The following LRRC17 variants were observed in gnomAD, a reference collection of about 807,000 sequenced individuals.
The protein encoded by LRRC17 is leucine-rich repeat-containing protein 17.
Under a neutral mutation model 41.5 loss-of-function variants are expected in LRRC17, and 33 were observed. The ratio of observed to expected loss-of-function variants is 0.80; its 90% CI spans 0.60 to 1.06. The LOEUF is 1.06. Ranked by LOEUF, LRRC17 falls within the 50% of genes least tolerant of loss-of-function variation. The pLI, the probability that LRRC17 is intolerant of heterozygous loss-of-function variation, is 0.00. For missense variants in LRRC17, 491 were observed against 519.3 expected, an observed-to-expected ratio of 0.95 and a Z score of 0.53; for synonymous variants, 192 against 197.0, an observed-to-expected ratio of 0.97 and a Z score of 0.21.
Position 102,925,387 on chromosome 7 carries a change from C to A in LRRC17, c.-140-8387C>A, listed in dbSNP as rs182908518. ...TGCAGCCTGGGTGACAGAGTAAGACCCTGTTTGAAAACAAACTAAAAAGAA... is the reference window on the plus strand; with the variant it reads ...TGCAGCCTGGGTGACAGAGTAAGACACTGTTTGAAAACAAACTAAAAAGAA... On this transcript the variant is annotated intron_variant, in intron 1 of 3. Transcript: ENST00000339431. Among the ~76,000 whole-genome samples the A allele has an allele frequency of 3.9e-5, 6 of 152,056 alleles. No individual in the cohort carries two copies. In the East Asian group the frequency reaches 1.2e-3, roughly 30 times the overall value.
Position 102,944,390 on chromosome 7 carries a change from A to G in LRRC17, c.1109A>G (p.Asn370Ser). The G allele has an allele frequency of 1.2e-6, 2 of 1,614,100 alleles. No homozygotes were observed. Among genetic ancestry groups the G allele is most frequent in the African/African-American group, 1.3e-5 (1 of 75,058 alleles). Residue 370 changes from asparagine to serine, a missense_variant, in exon 4 of 4, where the codon AAT becomes AGT. Transcript: ENST00000339431. ...TACTACTGGTTAAAGCACCACTACA[A>G]TGTCCATTTTAATGGCCTGGAATGC... ...YLYYWLKHHY[N>S]VHFNGLECKT...
intron 1 of LRRC17, among the ~76,000 whole-genome samples, chr7:102,928,089 T>C (rs2129472362): frequency 6.6e-6 from 1 of 152,332 alleles, no homozygotes; most frequent in South Asian, 2.1e-4. Flanking sequence ...ACTTTCTGTT[T>C]GAGATGAGGA....
chr7:102,934,806 T>C, intron 2 of LRRC17, 121 bp downstream of exon 2: 1 of 920,232 alleles, frequency 1.1e-6, no homozygotes, highest in Non-Finnish European at 1.6e-6. Context: ...CCAGAAATCC[T>C]TCCCTATTGA....
chr7:102,938,110 A>G (rs1011470564), intron 2 of LRRC17, among the ~76,000 whole-genome samples: 2 of 152,250 alleles, frequency 1.3e-5, no homozygotes, highest in Non-Finnish European at 2.9e-5. Context: ...AAGGGAATAA[A>G]TGTGAGACTA....
In LRRC17 at chr7:102,921,310, AG is replaced by A. The variant is rs573682330; in HGVS notation, c.-141+8167del. Among the ~76,000 whole-genome samples, 8 of 152,370 alleles carry A rather than the reference AG, an allele frequency of 5.3e-5. No homozygotes were observed. In the East Asian group the frequency reaches 1.5e-3, roughly 29 times the overall value. On this transcript the variant is annotated intron_variant, in intron 1 of 3. Coordinates refer to ENST00000339431, the MANE Select transcript of LRRC17 (RefSeq NM_001031692.3). Reference sequence around the variant, plus strand: ...AAATAAAGAGAAGCTTGATCATAATAGGCAACTAATATATCACTATTATAAT... The same window carrying A: ...AAATAAAGAGAAGCTTGATCATAATAGCAACTAATATATCACTATTATAAT...
chr7:102,939,369 G>A lies in LRRC17; in HGVS notation c.773-61G>A, dbSNP rs7341522. 2,599 of 1,397,744 alleles carry A rather than the reference G, an allele frequency of 1.9e-3. 39 individuals carry two copies. In the African/African-American group the frequency reaches 0.033, roughly 18 times the overall value. The allele number at this position is 1,397,744 out of a possible 1,614,324, so 86.6% of individuals were successfully genotyped here. A position where few individuals can be genotyped will look rare whatever the true frequency, so the allele number is the denominator to read the frequency against. On this transcript the variant is annotated intron_variant, in intron 2 of 3. Transcript: ENST00000339431. ...GATTCTTCAATCACACAGATATAAC[G>A]GTGACCGAGGAAATGGGGGCAAAAA...
chr7:102,922,961 G>C (rs1817372523), intron 1 of LRRC17, among the ~76,000 whole-genome samples: 1 of 152,148 alleles, frequency 6.6e-6, no homozygotes, highest in Admixed American at 6.6e-5. Flanking sequence ...CTGGGCGACA[G>C]AGCGAGACTC....
intron 1 of LRRC17, among the ~76,000 whole-genome samples, chr7:102,932,908 GA>G (rs1179819947): frequency 3.1e-4 from 47 of 152,304 alleles, no homozygotes; most frequent in Middle Eastern, 6.8e-3. Context: ...ATAGTTATTT[GA>G]GAGTAATTCA....
chr7:102,921,415 C>T (rs1483572808), intron 1 of LRRC17, among the ~76,000 whole-genome samples: 1 of 152,146 alleles, frequency 6.6e-6, no homozygotes, highest in African/African-American at 2.4e-5. Flanking sequence ...CACAGTGGCT[C>T]ATGCCTGTAA....
intron 1 of LRRC17, among the ~76,000 whole-genome samples, chr7:102,914,506 A>T (rs1328044675): frequency 6.6e-6 from 1 of 152,278 alleles, no homozygotes; most frequent in Non-Finnish European, 1.5e-5. Context: ...AAAAGTGAGG[A>T]GAAAATGCTT....
chr7:102,942,229 T>G, intron 3 of LRRC17: 2 of 1,346,830 alleles, frequency 1.5e-6, no homozygotes, highest in South Asian at 2.6e-5. Flanking sequence ...AAAAAGTATC[T>G]TGGCAGTTAA....
chr7:102,943,144 C>G (rs1179549784), intron 3 of LRRC17, among the ~76,000 whole-genome samples: 1 of 152,096 alleles, frequency 6.6e-6, no homozygotes, highest in Admixed American at 6.6e-5. Flanking sequence ...TTGGACTCTA[C>G]AGGAATAGAA....
intron 1 of LRRC17, among the ~76,000 whole-genome samples, chr7:102,924,447 G>A (rs1036358448): frequency 1.3e-5 from 2 of 151,958 alleles, no homozygotes; most frequent in Non-Finnish European, 2.9e-5. Context: ...CCTGGCAGGA[G>A]GAAGACTGTG....
Position 102,915,682 on chromosome 7 carries a change from A to G in LRRC17, c.-141+2537A>G, listed in dbSNP as rs1017827050. Among the ~76,000 whole-genome samples, 4 of 152,208 alleles carry G rather than the reference A, an allele frequency of 2.6e-5. No homozygotes were observed. In the South Asian group the frequency reaches 6.2e-4, roughly 24 times the overall value. ...TTTTTAAATGCATAAAATAAAATAT[A>G]TAAGATTACAAAAACAGCCAATTAT... On this transcript the variant is annotated intron_variant, in intron 1 of 3. Coordinates refer to ENST00000339431, the MANE Select transcript of LRRC17 (RefSeq NM_001031692.3).
At position 102,944,755 on chromosome 7, in the gene LRRC17, C is replaced by T. The variant is rs772855752; in HGVS notation, c.*148C>T. The stretch of plus-strand genomic sequence containing the variant: ...TCTTTAATTATAAGTATTATTGTGA[C>T]TATTATAGTAATCAAGAGAATGCTA... On this transcript the variant is annotated 3_prime_UTR_variant, in exon 4 of 4. Coordinates refer to ENST00000339431, the MANE Select transcript of LRRC17 (RefSeq NM_001031692.3). 28 of 680,608 alleles carry T rather than the reference C, an allele frequency of 4.1e-5. No homozygotes were observed. The highest frequency in any genetic ancestry group is 4.1e-4 in the Middle Eastern group (1 of 2,420). 42.2% of individuals were successfully genotyped at this position (680,608 alleles called of 1,614,324 possible). A position where few individuals can be genotyped will look rare whatever the true frequency, so the allele number is the denominator to read the frequency against.
chr7:102,933,874 G>A lies in LRRC17; in HGVS notation c.-40G>A, dbSNP rs749934840. ...TTCAAAGGAATACTTTCATTGTTCCGTCTGTAACACGAAGTAATTGGGGCC... is the reference window on the plus strand; with the variant it reads ...TTCAAAGGAATACTTTCATTGTTCCATCTGTAACACGAAGTAATTGGGGCC... On this transcript the variant is annotated 5_prime_UTR_variant, in exon 2 of 4. Coordinates refer to ENST00000339431, the MANE Select transcript of LRRC17 (RefSeq NM_001031692.3). 44 of 1,535,746 alleles carry A rather than the reference G, an allele frequency of 2.9e-5. No homozygotes were observed. In the South Asian group the frequency reaches 3.7e-4, roughly 13 times the overall value.
chr7:102,931,951 C>T, intron 1 of LRRC17: 2 of 1,611,846 alleles, frequency 1.2e-6, no homozygotes, highest in Non-Finnish European at 1.7e-6. Context: ...AAATAAGTTA[C>T]ACGTCACTAA....
At chr7:102,921,034 C>A (rs1408031723) in intron 1 of LRRC17, among the ~76,000 whole-genome samples, 1 of 151,998 alleles carries the variant, frequency 6.6e-6, no homozygotes, top group South Asian at 2.1e-4. Context: ...CACCTGTAAT[C>A]CCAGCTACTC....
At chr7:102,924,870 C>A (rs1817790205) in intron 1 of LRRC17, among the ~76,000 whole-genome samples, 1 of 151,906 alleles carries the variant, frequency 6.6e-6, no homozygotes, top group African/African-American at 2.4e-5. Context: ...ACCTCATGAT[C>A]CACCCGCCCC....
Sources: allele counts gnomAD v4.1 joint callset (sites outside exome capture counted in the v4.1 genomes callset), GRCh38; gene constraint gnomAD v4.1.1; transcripts MANE v1.5; gene names NCBI Gene and HGNC (gene_info 2026-07-23, HGNC 2026-07-21).